The following TRPC4 variants were observed in gnomAD, a reference collection of about 807,000 sequenced individuals.
TRPC4 encodes transient receptor potential cation channel subfamily C member 4, also known as short transient receptor potential channel 4.
In TRPC4, 49 loss-of-function variants were observed where a neutral mutation model predicts 99.4. That is an observed-to-expected ratio of 0.49 (90% CI 0.39 to 0.63). The LOEUF (loss-of-function observed/expected upper bound fraction) is 0.63. Among genes scored for constraint, TRPC4 ranks in the 20% least tolerant of loss-of-function variants. TRPC4 has a pLI of 0.00. For missense variants in TRPC4, 898 were observed against 1,152.9 expected (o/e 0.78, Z 3.20); for synonymous variants, 454 against 425.9 (o/e 1.07, Z -0.81).
chr13:37,782,726 C>T (rs1157710461), intron 2 of TRPC4, among the ~76,000 whole-genome samples: 1 of 151,906 alleles, frequency 6.6e-6, no homozygotes, highest in Non-Finnish European at 1.5e-5. Flanking sequence ...TTAGCTTTCA[C>T]AATTACTTAT....
chr13:37,706,254 T>C (rs1954272354), intron 3 of TRPC4, among the ~76,000 whole-genome samples: 1 of 152,198 alleles, frequency 6.6e-6, no homozygotes, highest in Non-Finnish European at 1.5e-5. Context: ...ACTGCTCATG[T>C]AAGTTCCACA....
intron 1 of TRPC4, among the ~76,000 whole-genome samples, chr13:37,821,767 A>G (rs1958018100): frequency 6.6e-6 from 1 of 152,184 alleles, no homozygotes; most frequent in Non-Finnish European, 1.5e-5. Flanking sequence ...CATACGTGGA[A>G]GATTGAAACT....
At chr13:37,688,730 A>T (rs1348052863) in intron 4 of TRPC4, among the ~76,000 whole-genome samples, 2 of 152,232 alleles carry the variant, frequency 1.3e-5, no homozygotes, top group East Asian at 3.9e-4. Context: ...CAGCTCACAG[A>T]GGTGATCTGG....
intron 1 of TRPC4, among the ~76,000 whole-genome samples, chr13:37,806,519 G>A (rs774809326): frequency 3.3e-5 from 5 of 151,890 alleles, no homozygotes; most frequent in Non-Finnish European, 7.4e-5. Context: ...AACCCTTATC[G>A]ATACCACAGA....
intron 3 of TRPC4, among the ~76,000 whole-genome samples, chr13:37,709,107 A>T (rs1326509536): frequency 6.6e-6 from 1 of 151,982 alleles, no homozygotes; most frequent in African/African-American, 2.4e-5. Flanking sequence ...AGGCAGAAAA[A>T]CACTGGGGAT....
At chr13:37,754,660 C>T (rs577710778) in intron 2 of TRPC4, among the ~76,000 whole-genome samples, 1 of 152,128 alleles carries the variant, frequency 6.6e-6, no homozygotes, top group South Asian at 2.1e-4. Flanking sequence ...GAAATTAAAC[C>T]AAATAAATCC....
intron 2 of TRPC4, among the ~76,000 whole-genome samples, chr13:37,754,520 C>A (rs1038596234): frequency 6.6e-6 from 1 of 152,112 alleles, no homozygotes; most frequent in Non-Finnish European, 1.5e-5. Flanking sequence ...ATTATATACT[C>A]ACATTGCTAA....
intron 1 of TRPC4, among the ~76,000 whole-genome samples, chr13:37,826,498 G>C (rs1423506939): frequency 1.0e-3 from 153 of 146,476 alleles, no homozygotes; most frequent in African/African-American, 3.8e-3. Context: ...GCATTTGCTT[G>C]TCTGTAAAGG....
At chr13:37,647,180 A>G (rs1481858824) in intron 8 of TRPC4, among the ~76,000 whole-genome samples, 1 of 152,174 alleles carries the variant, frequency 6.6e-6, no homozygotes, top group Non-Finnish European at 1.5e-5. Context: ...TTTCCCAGGC[A>G]TTTCCTGGGA....
intron 2 of TRPC4, 81 bp downstream of exon 2, chr13:37,782,874 TA>T (rs754844763): frequency 0.071 from 65,032 of 917,948 alleles, no homozygotes; most frequent in Middle Eastern, 0.094. Context: ...TTTGAAAATC[TA>T]AAAAAAAAAA....
At chr13:37,671,755 T>C (rs1952852354) in intron 5 of TRPC4, among the ~76,000 whole-genome samples, 1 of 152,082 alleles carries the variant, frequency 6.6e-6, no homozygotes, top group Non-Finnish European at 1.5e-5. Context: ...TAGTAAGTGA[T>C]GGAGGAAAGG....
At chr13:37,651,771 T>G (rs1340507440) in intron 7 of TRPC4, among the ~76,000 whole-genome samples, 4 of 152,216 alleles carry the variant, frequency 2.6e-5, no homozygotes, top group Non-Finnish European at 5.9e-5. Context: ...TTCTGCACTG[T>G]AGACTCATGT....
intron 1 of TRPC4, among the ~76,000 whole-genome samples, chr13:37,842,237 T>C (rs1350275210): frequency 8.7e-6 from 1 of 114,504 alleles, no homozygotes; most frequent in Non-Finnish European, 1.8e-5. Flanking sequence ...GCCACTGCAC[T>C]CCAGCCTAGG....
At chr13:37,672,365 A>G (rs1471158648) in intron 5 of TRPC4, among the ~76,000 whole-genome samples, 1 of 152,206 alleles carries the variant, frequency 6.6e-6, no homozygotes, top group Non-Finnish European at 1.5e-5. Flanking sequence ...GCTGTAGAAC[A>G]GGTCTATACA....
chr13:37,747,366 G>A (rs1246025998), intron 2 of TRPC4, among the ~76,000 whole-genome samples: 1 of 152,068 alleles, frequency 6.6e-6, no homozygotes, highest in Non-Finnish European at 1.5e-5. Flanking sequence ...ATAAACACAG[G>A]TTCACCTGTC....
Position 37,632,087 on chromosome 13 carries a change from T to C in TRPC4, c.*4816A>G, listed in dbSNP as rs185662962. 1.3e-5 allele frequency among the ~76,000 whole-genome samples: 2 copies of C among 152,294 alleles called. No individual in the cohort carries two copies. Among genetic ancestry groups the C allele is most frequent in the African/African-American group, 4.8e-5 (2 of 41,558 alleles). ...ATCAAGGAGAGACTGCAAACTTTAA[T>C]AGAGCTACACAAAACTTTTTTGAGT... On this transcript the variant is annotated 3_prime_UTR_variant, in exon 11 of 11. Coordinates refer to ENST00000379705, the MANE Select transcript of TRPC4 (RefSeq NM_016179.4).
intron 4 of TRPC4, among the ~76,000 whole-genome samples, chr13:37,680,100 GACA>G (rs1953186418): frequency 6.6e-6 from 1 of 152,172 alleles, no homozygotes; most frequent in Non-Finnish European, 1.5e-5. Flanking sequence ...AGTGCACTTG[GACA>G]ACATTTTCTT....
intron 1 of TRPC4, among the ~76,000 whole-genome samples, chr13:37,859,959 A>G (rs1216653861): frequency 6.6e-6 from 1 of 151,254 alleles, no homozygotes; most frequent in Non-Finnish European, 1.5e-5. Context: ...ATATATTTTA[A>G]AAGATAAACA....
At chr13:37,650,577 TTCTGTCTCTC>T (rs1469594515) in intron 8 of TRPC4, among the ~76,000 whole-genome samples, 1 of 146,584 alleles carries the variant, frequency 6.8e-6, no homozygotes, top group Non-Finnish European at 1.5e-5. Context: ...TCTCTCTCTC[TTCTGTCTCTC>T]TCTGTCTCTC....
Sources: allele counts gnomAD v4.1 joint callset (sites outside exome capture counted in the v4.1 genomes callset), GRCh38; gene constraint gnomAD v4.1.1; transcripts MANE v1.5; gene names NCBI Gene and HGNC (gene_info 2026-07-23, HGNC 2026-07-21).